SRGAP3: variants seen among roughly 807,000 people sequenced by gnomAD.
The protein encoded by SRGAP3 is SLIT-ROBO Rho GTPase activating protein 3.
In SRGAP3, 39 loss-of-function variants were observed where a neutral mutation model predicts 121.1. The observed-to-expected ratio is 0.32, with a 90% CI of 0.25 to 0.42. The LOEUF (loss-of-function observed/expected upper bound fraction) is 0.42. Among genes scored for constraint, SRGAP3 ranks in the 10% least tolerant of loss-of-function variants. The pLI is 1.00. For missense variants in SRGAP3, 1,213 were observed against 1,470.6 expected, an observed-to-expected ratio of 0.82 and a Z score of 2.86; for synonymous variants, 601 against 570.0, an observed-to-expected ratio of 1.05 and a Z score of -0.77.
At chr3:9,171,324 T>A (rs1575180982) in intron 1 of SRGAP3, among the ~76,000 whole-genome samples, 1 of 152,298 alleles carries the variant, frequency 6.6e-6, no homozygotes, top group Admixed American at 6.5e-5. Flanking sequence ...TGAGGCTGGG[T>A]CAGAGCCCTG....
intron 1 of SRGAP3, among the ~76,000 whole-genome samples, chr3:9,205,802 G>GA (rs1952246307): frequency 6.6e-6 from 1 of 152,172 alleles, no homozygotes; most frequent in Admixed American, 6.6e-5. Flanking sequence ...ACCTTAAAAA[G>GA]AAAGGAAATT....
intron 2 of SRGAP3, among the ~76,000 whole-genome samples, chr3:9,113,274 A>G (rs1205915899): frequency 4.6e-5 from 7 of 152,122 alleles, no homozygotes. Context: ...GGTTCCTTCC[A>G]AGGACTGTGA....
intron 1 of SRGAP3, among the ~76,000 whole-genome samples, chr3:9,353,069 T>G (rs1326081594): frequency 6.6e-6 from 1 of 152,240 alleles, no homozygotes; most frequent in Admixed American, 6.5e-5. Context: ...GGCACCGTGT[T>G]GCTGCTGCAG....
intron 3 of SRGAP3, among the ~76,000 whole-genome samples, chr3:9,274,876 C>T (rs1954542054): frequency 6.6e-6 from 1 of 152,216 alleles, no homozygotes; most frequent in African/African-American, 2.4e-5. Flanking sequence ...GCCATAGTCT[C>T]TGACATCCAG....
chr3:9,137,943 C>T (rs1045006526), intron 1 of SRGAP3, among the ~76,000 whole-genome samples: 1 of 152,196 alleles, frequency 6.6e-6, no homozygotes, highest in African/African-American at 2.4e-5. Flanking sequence ...AATTTCAACA[C>T]GAGATTAATA....
At position 9,131,853 on chromosome 3, in the gene SRGAP3, CT is replaced by C. The variant is rs1442194475; in HGVS notation, c.68-6937del. On this transcript the variant is annotated intron_variant, in intron 1 of 21. Coordinates refer to ENST00000383836, the MANE Select transcript of SRGAP3 (RefSeq NM_014850.4). The stretch of plus-strand genomic sequence containing the variant: ...TGCTTATAGGATCAAAGCCAAACTC[CT>C]CTGACATTCAAAGTCCAAGAATGCA... Among the ~76,000 whole-genome samples the C allele has an allele frequency of 6.6e-5, 10 of 152,284 alleles. No individual in the cohort carries two copies. In the South Asian group the frequency reaches 2.1e-3, roughly 32 times the overall value.
At chr3:9,004,711 T>C (rs1942967409) in intron 18 of SRGAP3, among the ~76,000 whole-genome samples, 1 of 152,220 alleles carries the variant, frequency 6.6e-6, no homozygotes. Flanking sequence ...CTGGGACAAC[T>C]GGAGAGCCAC....
chr3:8,993,844 T>G (rs1942224892), intron 19 of SRGAP3: 1 of 173,004 alleles, frequency 5.8e-6, no homozygotes, highest in Non-Finnish European at 1.2e-5. Flanking sequence ...GAATGGAAAG[T>G]GCAGACTTTT....
chr3:9,189,364 G>A (rs535546103), intron 1 of SRGAP3, among the ~76,000 whole-genome samples: 8 of 152,260 alleles, frequency 5.3e-5, no homozygotes, highest in Admixed American at 2.6e-4. Flanking sequence ...CCATCAAATC[G>A]TTTGTCCCGA....
At chr3:9,226,832 T>C (rs1419507704) in intron 1 of SRGAP3, among the ~76,000 whole-genome samples, 1 of 152,144 alleles carries the variant, frequency 6.6e-6, no homozygotes, top group Non-Finnish European at 1.5e-5. Flanking sequence ...CCCCTCAAAT[T>C]GTTGAAGCTG....
At chr3:9,219,167 A>G (rs1330575562) in intron 1 of SRGAP3, 1 of 152,098 alleles carries the variant, frequency 6.6e-6, no homozygotes, top group East Asian at 1.9e-4. Context: ...AACAGCTACC[A>G]TGAGGCAGCC....
intron 12 of SRGAP3, among the ~76,000 whole-genome samples, chr3:9,032,121 G>T (rs951947194): frequency 9.2e-5 from 14 of 152,100 alleles, no homozygotes; most frequent in African/African-American, 2.4e-4. Flanking sequence ...CCACCTAACA[G>T]GAAGCAAAAC....
rs1039788487 is a variant in SRGAP3 at position 8,982,138 on chromosome 3, C to A, written c.*3381G>T. Reference sequence around the variant, plus strand: ...GAGCCACAAGGCCCAGGAAACTAGACCAGGAATTAATTGTCTTTGGTCAGT... The same window carrying A: ...GAGCCACAAGGCCCAGGAAACTAGAACAGGAATTAATTGTCTTTGGTCAGT... On this transcript the variant is annotated 3_prime_UTR_variant, in exon 22 of 22. Coordinates refer to ENST00000383836, the MANE Select transcript of SRGAP3 (RefSeq NM_014850.4). 1.6e-4 allele frequency: 36 copies of A among 226,278 alleles called. No homozygotes were observed. Among genetic ancestry groups the A allele is most frequent in the Non-Finnish European group, 4.4e-5 (5 of 113,496 alleles). 14.0% of individuals were successfully genotyped at this position (226,278 alleles called of 1,614,324 possible).
intron 3 of SRGAP3, among the ~76,000 whole-genome samples, chr3:9,095,663 C>A (rs1458163006): frequency 3.3e-5 from 5 of 152,210 alleles, no homozygotes; most frequent in Non-Finnish European, 5.9e-5. Flanking sequence ...TTTCTGGGCT[C>A]TCTTCTGTCC....
intron 1 of SRGAP3, among the ~76,000 whole-genome samples, chr3:9,164,479 A>G (rs1950714743): frequency 6.6e-6 from 1 of 151,922 alleles, no homozygotes; most frequent in Admixed American, 6.6e-5. Context: ...TGGGAGAGAC[A>G]GGGTTTCACC....
At position 9,170,499 on chromosome 3, in the gene SRGAP3, C is replaced by T. The variant is rs541532474; in HGVS notation, c.68-45582G>A. On this transcript the variant is annotated intron_variant, in intron 1 of 21. Coordinates refer to ENST00000383836, the MANE Select transcript of SRGAP3 (RefSeq NM_014850.4). ...CTCTCACACAACAGAAGAGAGGCGA[C>T]CTGAGCAGAGGTGGGCTGCTTTTTA... Among the ~76,000 whole-genome samples, 4 of 152,240 alleles carry T rather than the reference C, an allele frequency of 2.6e-5. No individual in the cohort carries two copies. The South Asian group carries it at 8.3e-4, about 32-fold the overall frequency.
intron 12 of SRGAP3, 65 bp from the exon 13 acceptor site, chr3:9,027,060 A>G: frequency 6.9e-7 from 1 of 1,453,996 alleles, no homozygotes; most frequent in East Asian, 2.3e-5. Context: ...AAGACATTGC[A>G]AACACCGATT....
At position 8,985,571 on chromosome 3, in the gene SRGAP3, G is replaced by A. The variant is rs775519092; in HGVS notation, c.3248C>T (p.Pro1083Leu). 1 of 1,591,450 alleles carries A rather than the reference G, an allele frequency of 6.3e-7. No homozygotes were observed. Among genetic ancestry groups the A allele is most frequent in the South Asian group, 1.1e-5 (1 of 90,818 alleles). ...GCTGTTGGGGAACATCTTCTCGGTG[G>A]GCGTCACGGCCGGGCTGCCCACGCC... ...SSGVGSPAVT[P>L]TEKMFPNSSA... Residue 1083 changes from proline to leucine, a missense_variant, in exon 22 of 22, where the codon CCC becomes CTC. By Grantham distance (98) the Pro-to-Leu change is moderately conservative. This residue lies in a region of SRGAP3 where 420 missense variants were observed against 437.7 expected (regional missense o/e 0.96). Transcript: ENST00000383836. The surrounding 1 kb of genome is among the most constrained non-coding windows in gnomAD (Gnocchi z 5.1).
At chr3:9,353,275 C>T (rs940301432) in intron 1 of SRGAP3, among the ~76,000 whole-genome samples, 1 of 152,224 alleles carries the variant, frequency 6.6e-6, no homozygotes, top group African/African-American at 2.4e-5. Flanking sequence ...TCAGGACATT[C>T]GCTGTATTTG....
Sources: allele counts gnomAD v4.1 joint callset (sites outside exome capture counted in the v4.1 genomes callset), GRCh38; gene constraint gnomAD v4.1.1; regional missense constraint gnomAD v4.1.1; non-coding constraint Gnocchi (gnomAD v3.1); transcripts MANE v1.5; gene names NCBI Gene and HGNC (gene_info 2026-07-23, HGNC 2026-07-21).